RORA: variants seen among roughly 807,000 people sequenced by gnomAD.
RORA encodes RAR related orphan receptor A.
A neutral mutation model predicts 69.5 loss-of-function variants in RORA; 7 were observed. That is an observed-to-expected ratio of 0.10 (90% confidence interval 0.06 to 0.19). The LOEUF (loss-of-function observed/expected upper bound fraction) is 0.19. RORA is among the 10% of genes least tolerant of loss of function. The pLI is 1.00. For missense variants in RORA, 457 were observed against 663.0 expected (o/e 0.69, Z 3.41); for synonymous variants, 261 against 240.8 (o/e 1.08, Z -0.78).
chr15:61,024,226 C>T (rs572242221), intron 1 of RORA, among the ~76,000 whole-genome samples: 4 of 147,560 alleles, frequency 2.7e-5, no homozygotes, highest in Non-Finnish European at 1.5e-5. Context: ...AAAAATTATA[C>T]AAGTAGCATT....
chr15:60,865,705 G>C (rs1260432649), intron 1 of RORA, among the ~76,000 whole-genome samples: 1 of 152,082 alleles, frequency 6.6e-6, no homozygotes, highest in African/African-American at 2.4e-5. Context: ...CAGTACGAAG[G>C]CCAACCCTTC....
chr15:60,611,532 C>T (rs1482821057), intron 2 of RORA, among the ~76,000 whole-genome samples: 1 of 105,694 alleles, frequency 9.5e-6, no homozygotes, highest in Non-Finnish European at 1.8e-5. Context: ...CAACATGTAT[C>T]TTTACCTCAA....
In RORA at chr15:61,067,474, G is replaced by A. The variant is rs151007684; in HGVS notation, c.166+161579C>T. Among the ~76,000 whole-genome samples, 662 of 152,178 alleles carry A rather than the reference G, an allele frequency of 4.4e-3. 4 individuals carry two copies. Among genetic ancestry groups the A allele is most frequent in the African/African-American group, 0.015 (633 of 41,520 alleles). On this transcript the variant is annotated intron_variant, in intron 1 of 10. Coordinates refer to ENST00000335670, the MANE Select transcript of RORA (RefSeq NM_134261.3). ...TAAAACTGCCTCTAATGATGTTGTC[G>A]ACAACGAGGGTAATGGTAGCCATTT... is the stretch of plus-strand genomic sequence containing the variant.
intron 2 of RORA, among the ~76,000 whole-genome samples, chr15:60,667,715 G>T (rs1230906071): frequency 6.6e-6 from 1 of 152,048 alleles, no homozygotes; most frequent in African/African-American, 2.4e-5. Context: ...AAACTCCTGG[G>T]CTCAAGCAAT....
At chr15:60,956,009 A>G (rs1187937655) in intron 1 of RORA, among the ~76,000 whole-genome samples, 2 of 152,124 alleles carry the variant, frequency 1.3e-5, no homozygotes, top group Non-Finnish European at 1.5e-5. Context: ...CGCTGGCACA[A>G]TTTTAAAAAA....
chr15:60,548,110 AC>A (rs2067127599), intron 2 of RORA: 1 of 152,208 alleles, frequency 6.6e-6, no homozygotes, highest in South Asian at 2.1e-4. Context: ...GTTGTTTGCT[AC>A]AACTACCCCT....
At chr15:60,565,170 C>A (rs1240509342) in intron 2 of RORA, among the ~76,000 whole-genome samples, 2 of 152,200 alleles carry the variant, frequency 1.3e-5, no homozygotes, top group African/African-American at 4.8e-5. Context: ...TGAGATAAAA[C>A]TGCTATATTC....
At chr15:61,188,617 G>T (rs796932736) in intron 1 of RORA, among the ~76,000 whole-genome samples, 2 of 141,362 alleles carry the variant, frequency 1.4e-5, no homozygotes. Flanking sequence ...TAACAACTAG[G>T]AAATAATCAT....
intron 1 of RORA, among the ~76,000 whole-genome samples, chr15:61,118,660 A>G (rs888976209): frequency 2.0e-5 from 3 of 152,078 alleles, no homozygotes; most frequent in Admixed American, 6.5e-5. Context: ...CAGCTCAGGA[A>G]CCTGGAGCCG....
chr15:60,629,187 C>CTTTTTTTTTTTTTTTT (rs34687322), intron 2 of RORA, among the ~76,000 whole-genome samples: 82 of 112,014 alleles, frequency 7.3e-4, no homozygotes, highest in Non-Finnish European at 8.5e-4. Context: ...ACTGTTTATT[C>CTTTTTTTTTTTTTTTT]TTTTTTTTTT....
At chr15:61,009,147 C>T (rs1388164893) in intron 1 of RORA, among the ~76,000 whole-genome samples, 6 of 152,212 alleles carry the variant, frequency 3.9e-5, no homozygotes, top group Non-Finnish European at 1.5e-5. Flanking sequence ...ATTAACAGCT[C>T]TTCAATGCCA....
chr15:61,228,030 C>T lies in RORA; in HGVS notation c.166+1023G>A, dbSNP rs941509121. On this transcript the variant is annotated intron_variant, in intron 1 of 10. Coordinates refer to ENST00000335670, the MANE Select transcript of RORA (RefSeq NM_134261.3). ...AGCAACTGAGTCCCCCCCATCCCCC[C>T]CAACACACGCAGACACAGACCAAAC... 2.6e-5 allele frequency among the ~76,000 whole-genome samples: 4 copies of T among 152,120 alleles called. No individual in the cohort carries two copies. The South Asian group carries it at 6.3e-4, about 24-fold the overall frequency.
chr15:60,504,164 G>C (rs998570537), intron 6 of RORA, among the ~76,000 whole-genome samples: 1 of 152,188 alleles, frequency 6.6e-6, no homozygotes, highest in African/African-American at 2.4e-5. Context: ...TTTGGGGGAA[G>C]GGAGAAAAGG....
intron 1 of RORA, among the ~76,000 whole-genome samples, chr15:60,792,039 C>A (rs1399113526): frequency 6.6e-6 from 1 of 151,406 alleles, no homozygotes; most frequent in East Asian, 1.9e-4. Flanking sequence ...ATATGTTCAA[C>A]AAATTGAAGG....
intron 1 of RORA, among the ~76,000 whole-genome samples, chr15:61,068,920 T>C (rs1012022771): frequency 2.6e-5 from 4 of 152,234 alleles, no homozygotes; most frequent in African/African-American, 9.6e-5. Context: ...AAGCAATTTA[T>C]GAACCATTTC....
At chr15:61,021,641 T>A (rs1279095754) in intron 1 of RORA, among the ~76,000 whole-genome samples, 1 of 152,202 alleles carries the variant, frequency 6.6e-6, no homozygotes, top group Non-Finnish European at 1.5e-5. Context: ...ATCTTCTCCA[T>A]GAAGAGGATC....
intron 1 of RORA, among the ~76,000 whole-genome samples, chr15:61,020,126 A>C (rs1895455168): frequency 6.6e-6 from 1 of 152,190 alleles, no homozygotes; most frequent in East Asian, 1.9e-4. Flanking sequence ...TCTTCCTTCC[A>C]AATCCTAATG....
intron 1 of RORA, among the ~76,000 whole-genome samples, chr15:61,013,960 T>C (rs1895187695): frequency 6.6e-6 from 1 of 152,052 alleles, no homozygotes; most frequent in South Asian, 2.1e-4. Flanking sequence ...ATTTTTTGTA[T>C]TTTTAGTAGA....
intron 2 of RORA, among the ~76,000 whole-genome samples, chr15:60,532,332 A>ATGG (rs55672412): frequency 1 from 152,338 of 152,344 alleles, 76,166 homozygotes; most frequent in Non-Finnish European, 1. Flanking sequence ...GTTACATATG[A>ATGG]TAAGAATTCC....
Sources: gnomAD v4.1 joint callset for allele counts (sites outside exome capture counted in the v4.1 genomes callset) on GRCh38, gnomAD v4.1.1 for gene constraint, MANE v1.5 for transcripts, NCBI Gene and HGNC (gene_info 2026-07-23, HGNC 2026-07-21) for gene names.